The following MTUS2 variants were observed in gnomAD, a reference collection of about 807,000 sequenced individuals.
MTUS2 encodes the protein microtubule associated scaffold protein 2.
Under a neutral mutation model 114.1 loss-of-function variants are expected in MTUS2, and 40 were observed. The observed-to-expected ratio is 0.35, with a 90% CI of 0.27 to 0.46. The LOEUF is 0.46. MTUS2 is among the 20% of genes least tolerant of loss of function. The pLI is 1.00. For missense variants in MTUS2, 1,679 were observed against 1,705.4 expected (o/e 0.98, Z 0.27); for synonymous variants, 688 against 672.0 (o/e 1.02, Z -0.37).
At chr13:29,040,175 A>G (rs1887281457) in intron 4 of MTUS2, among the ~76,000 whole-genome samples, 1 of 152,174 alleles carries the variant, frequency 6.6e-6, no homozygotes, top group Admixed American at 6.5e-5. Context: ...ATGCCTTTGC[A>G]TCCTCATAGC....
intron 4 of MTUS2, among the ~76,000 whole-genome samples, chr13:29,082,511 C>T (rs1321086430): frequency 2.6e-5 from 4 of 152,164 alleles, no homozygotes; most frequent in Admixed American, 2.0e-4. Flanking sequence ...AAAGGGGTGA[C>T]CTCCTCCAGC....
chr13:29,185,032 A>G (rs1230840265), intron 5 of MTUS2, among the ~76,000 whole-genome samples: 1 of 152,156 alleles, frequency 6.6e-6, no homozygotes, highest in Non-Finnish European at 1.5e-5. Context: ...GAAATAAAGT[A>G]TCAGAACAAT....
chr13:29,380,655 G>A lies in MTUS2; in HGVS notation c.3117+21182G>A, dbSNP rs1463866582. 3.3e-4 allele frequency among the ~76,000 whole-genome samples: 6 copies of A among 18,012 alleles called. 3 individuals are homozygous for A. In the East Asian group the frequency reaches 0.037, roughly 110 times the overall value. 11.8% of individuals were successfully genotyped at this position (18,012 alleles called of 152,430 possible). ...CAGCTGGCCGGGCGCGGTGGCTCAC[G>A]CCTGTAATCCCAGCACTTTGGGAGG... On this transcript the variant is annotated intron_variant, in intron 8 of 15. Transcript: ENST00000612955.
intron 2 of MTUS2, among the ~76,000 whole-genome samples, chr13:28,932,793 C>G (rs532021678): frequency 6.6e-6 from 1 of 152,212 alleles, no homozygotes; most frequent in South Asian, 2.1e-4. Flanking sequence ...GCTTGTCTTC[C>G]CTTCTGTAAA....
intron 2 of MTUS2, among the ~76,000 whole-genome samples, chr13:28,897,778 C>G (rs534290333): frequency 6.6e-6 from 1 of 152,028 alleles, no homozygotes; most frequent in Non-Finnish European, 1.5e-5. Context: ...TGGAAACCAT[C>G]GTTCTCAGCA....
intron 4 of MTUS2, among the ~76,000 whole-genome samples, chr13:29,055,373 A>G (rs564134091): frequency 3.6e-4 from 55 of 151,898 alleles, no homozygotes; most frequent in Non-Finnish European, 6.3e-4. Flanking sequence ...TTTAATTTTA[A>G]TTTTCTAATT....
At chr13:28,873,168 A>G (rs1877723096) in intron 2 of MTUS2, among the ~76,000 whole-genome samples, 1 of 152,220 alleles carries the variant, frequency 6.6e-6, no homozygotes, top group Non-Finnish European at 1.5e-5. Flanking sequence ...ACAGACCCAA[A>G]TGGAAGTGTG....
intron 5 of MTUS2, among the ~76,000 whole-genome samples, chr13:29,199,124 C>T (rs1424494755): frequency 3.9e-5 from 6 of 152,088 alleles, no homozygotes. Flanking sequence ...AAAAAAGAGC[C>T]ATATAGCCAA....
chr13:29,389,419 G>GTGTGTATGTGTA (rs1566172971), intron 8 of MTUS2, among the ~76,000 whole-genome samples: 1 of 106,892 alleles, frequency 9.4e-6, no homozygotes, highest in African/African-American at 4.6e-5. Flanking sequence ...ACGTGTGTGT[G>GTGTGTATGTGTA]TATGTATACA....
intron 8 of MTUS2, among the ~76,000 whole-genome samples, chr13:29,366,450 G>A (rs577356987): frequency 3.9e-5 from 6 of 152,098 alleles, no homozygotes; most frequent in African/African-American, 1.4e-4. Flanking sequence ...ATTTGGGTGG[G>A]GACACAGCCA....
intron 8 of MTUS2, among the ~76,000 whole-genome samples, chr13:29,383,771 A>T (rs904901174): frequency 2.0e-5 from 3 of 152,168 alleles, no homozygotes; most frequent in African/African-American, 7.2e-5. Flanking sequence ...AGGCCATTCA[A>T]ATCTGCTGGA....
chr13:29,022,174 G>A (rs576629040), intron 2 of MTUS2, among the ~76,000 whole-genome samples: 1 of 152,182 alleles, frequency 6.6e-6, no homozygotes, highest in East Asian at 1.9e-4. Context: ...TTAAAAAATG[G>A]AACAAAAACC....
At chr13:28,977,219 T>C (rs1203822187) in intron 2 of MTUS2, among the ~76,000 whole-genome samples, 1 of 152,218 alleles carries the variant, frequency 6.6e-6, no homozygotes, top group Non-Finnish European at 1.5e-5. Flanking sequence ...TTAAGTATGA[T>C]TGATGAATCG....
chr13:28,952,656 G>A (rs906559462), intron 2 of MTUS2, among the ~76,000 whole-genome samples: 1 of 152,032 alleles, frequency 6.6e-6, no homozygotes, highest in African/African-American at 2.4e-5. Context: ...TAAACATAAG[G>A]GGTTGAGAAT....
chr13:29,362,910 AAC>A lies in MTUS2; in HGVS notation c.3117+3441_3117+3442del, dbSNP rs375608325. ...AGTAGCTGTGAAAGTTGTCAGCTCT[AAC>A]ACAGCCTCAGCCCAGCGTCCAGGGA... On this transcript the variant is annotated intron_variant, in intron 8 of 15. Coordinates refer to ENST00000612955, the MANE Select transcript of MTUS2 (RefSeq NM_001033602.4). Among the ~76,000 whole-genome samples, 29 of 152,306 alleles carry A rather than the reference AAC, an allele frequency of 1.9e-4. No individual in the cohort carries two copies. The South Asian group carries it at 2.9e-3, about 15-fold the overall frequency.
chr13:29,379,222 G>C (rs529536870), intron 8 of MTUS2, among the ~76,000 whole-genome samples: 1 of 152,276 alleles, frequency 6.6e-6, no homozygotes, highest in East Asian at 1.9e-4. Context: ...TTGGACTGTT[G>C]GTGATTATGG....
chr13:29,069,416 T>A (rs1338577729), intron 4 of MTUS2, among the ~76,000 whole-genome samples: 1 of 152,192 alleles, frequency 6.6e-6, no homozygotes, highest in Non-Finnish European at 1.5e-5. Flanking sequence ...TTCGTCTACC[T>A]TTTTGCTCTT....
intron 4 of MTUS2, among the ~76,000 whole-genome samples, chr13:29,093,599 T>A (rs1253113788): frequency 5.3e-5 from 8 of 152,252 alleles, no homozygotes; most frequent in Admixed American, 4.6e-4. Flanking sequence ...TTTCTGTATG[T>A]TGAATTGTAT....
chr13:29,475,078 G>GT (rs572292611), intron 9 of MTUS2, among the ~76,000 whole-genome samples: 196 of 152,252 alleles, frequency 1.3e-3, no homozygotes, highest in African/African-American at 4.6e-3. Context: ...CTAAGAAGTG[G>GT]TAAGAATGAT....
Sources: gnomAD v4.1 joint callset for allele counts (sites outside exome capture counted in the v4.1 genomes callset) on GRCh38, gnomAD v4.1.1 for gene constraint, MANE v1.5 for transcripts, NCBI Gene and HGNC (gene_info 2026-07-23, HGNC 2026-07-21) for gene names.